The following PELI2 variants were observed in gnomAD, a reference collection of about 807,000 sequenced individuals.
The protein encoded by PELI2 is E3 ubiquitin-protein ligase pellino homolog 2.
A neutral mutation model predicts 42.3 loss-of-function variants in PELI2; 23 were observed. The observed-to-expected ratio is 0.54, with a 90% CI of 0.39 to 0.77. PELI2 has a LOEUF of 0.77. Among genes scored for constraint, PELI2 ranks in the 30% least tolerant of loss-of-function variants. The probability of loss-of-function intolerance (pLI) is 0.00; values close to 1 mark genes in which losing one functional copy is unlikely to be tolerated. For missense variants in PELI2, 463 were observed against 553.2 expected, an observed-to-expected ratio of 0.84 and a Z score of 1.64; for synonymous variants, 245 against 212.2, an observed-to-expected ratio of 1.15 and a Z score of -1.34.
At chr14:56,280,915 CAGA>C (rs1467501003) in intron 3 of PELI2, among the ~76,000 whole-genome samples, 5 of 151,892 alleles carry the variant, frequency 3.3e-5, no homozygotes, top group Admixed American at 6.6e-5. Context: ...ATATAATTCT[CAGA>C]AGAAGAAATA....
chr14:56,213,936 C>CCG (rs146214206), intron 2 of PELI2, among the ~76,000 whole-genome samples: 7,199 of 152,174 alleles, frequency 0.047, 233 homozygotes, highest in Non-Finnish European at 0.069. Flanking sequence ...GCTGCAACCT[C>CCG]CGCCTCCCAG....
At chr14:56,175,416 C>T (rs908092118) in intron 1 of PELI2, among the ~76,000 whole-genome samples, 5 of 152,192 alleles carry the variant, frequency 3.3e-5, no homozygotes, top group African/African-American at 1.2e-4. Flanking sequence ...GTTATTGTGC[C>T]TTTCTCTCCT....
chr14:56,294,235 C>G (rs1212335651), intron 5 of PELI2, among the ~76,000 whole-genome samples: 1 of 152,164 alleles, frequency 6.6e-6, no homozygotes, highest in African/African-American at 2.4e-5. Context: ...CAGGTGAGAC[C>G]TGGATGACAA....
intron 2 of PELI2, among the ~76,000 whole-genome samples, chr14:56,247,695 T>C (rs912620131): frequency 6.6e-6 from 1 of 152,224 alleles, no homozygotes; most frequent in Non-Finnish European, 1.5e-5. Flanking sequence ...AGAGGGCTCC[T>C]GTTATGTTGA....
At chr14:56,143,183 T>A (rs1883981226) in intron 1 of PELI2, among the ~76,000 whole-genome samples, 1 of 152,228 alleles carries the variant, frequency 6.6e-6, no homozygotes, top group Admixed American at 6.5e-5. Flanking sequence ...TGGTCGGTTA[T>A]TTTGTAGACT....
intron 2 of PELI2, among the ~76,000 whole-genome samples, chr14:56,265,958 TTGGATCTAACCCAAA>T (rs1440946260): frequency 6.6e-6 from 1 of 152,068 alleles, no homozygotes; most frequent in Non-Finnish European, 1.5e-5. Context: ...GTTGGCAGGA[TTGGATCTAACCCAAA>T]GTTCATCAAC....
At chr14:56,267,445 T>C (rs766809672) in intron 2 of PELI2, among the ~76,000 whole-genome samples, 10 of 152,100 alleles carry the variant, frequency 6.6e-5, no homozygotes, top group Non-Finnish European at 1.2e-4. Context: ...CATCCAGATA[T>C]ATCCAGGCTT....
chr14:56,133,588 A>AC (rs371228560), intron 1 of PELI2, among the ~76,000 whole-genome samples: 10 of 151,894 alleles, frequency 6.6e-5, no homozygotes, highest in African/African-American at 2.4e-4. Context: ...CCTTTCCCCC[A>AC]CCCCCGTTAC....
At chr14:56,272,363 A>C (rs1162401829) in intron 2 of PELI2, among the ~76,000 whole-genome samples, 1 of 152,250 alleles carries the variant, frequency 6.6e-6, no homozygotes, top group Non-Finnish European at 1.5e-5. Context: ...GTGCATGCAT[A>C]CACACACGCA....
chr14:56,175,051 A>T (rs1232247669), intron 1 of PELI2, among the ~76,000 whole-genome samples: 1 of 152,120 alleles, frequency 6.6e-6, no homozygotes, highest in Non-Finnish European at 1.5e-5. Flanking sequence ...GCTGGAGTAC[A>T]GTGGCATGAT....
chr14:56,174,054 A>G (rs1885277937), intron 1 of PELI2, among the ~76,000 whole-genome samples: 1 of 152,072 alleles, frequency 6.6e-6, no homozygotes, highest in African/African-American at 2.4e-5. Flanking sequence ...GGCATGTGCT[A>G]TCATGCCCAG....
chr14:56,276,107 T>C (rs1262716607), intron 2 of PELI2, among the ~76,000 whole-genome samples: 1 of 152,200 alleles, frequency 6.6e-6, no homozygotes, highest in Admixed American at 6.5e-5. Flanking sequence ...TGTTGAACAA[T>C]TGATACTTCT....
In PELI2 at chr14:56,273,610, A is replaced by G. The variant is rs544979076; in HGVS notation, c.208-6066A>G. On this transcript the variant is annotated intron_variant, in intron 2 of 5. Coordinates refer to ENST00000267460, the MANE Select transcript of PELI2 (RefSeq NM_021255.3). This position sits in a 1 kb window ranked among gnomAD's most constrained non-coding sequence, Gnocchi z 4.3. ...TGTTTTGCATTTGATTTTTGCCTTA[A>G]TACAGTGAAATCAGCCCGGCTTTGA... 3.9e-5 allele frequency among the ~76,000 whole-genome samples: 6 copies of G among 152,326 alleles called. No individual in the cohort carries two copies. Among genetic ancestry groups the G allele is most frequent in the African/African-American group, 1.4e-4 (6 of 41,582 alleles).
chr14:56,293,990 G>T (rs1594722389), intron 5 of PELI2, among the ~76,000 whole-genome samples: 1 of 152,098 alleles, frequency 6.6e-6, no homozygotes, highest in Non-Finnish European at 1.5e-5. Flanking sequence ...GGTCAGCAAG[G>T]TCAGGAGCCT....
intron 2 of PELI2, among the ~76,000 whole-genome samples, chr14:56,272,298 G>T (rs1250366593): frequency 6.6e-6 from 1 of 152,168 alleles, no homozygotes; most frequent in African/African-American, 2.4e-5. Flanking sequence ...GTCCTTTGAA[G>T]AAAAAGAATT....
intron 2 of PELI2, among the ~76,000 whole-genome samples, chr14:56,199,958 A>G (rs1013576699): frequency 2.0e-5 from 3 of 152,218 alleles, no homozygotes; most frequent in African/African-American, 7.2e-5. Context: ...ATGGATGGCA[A>G]CGCTAGGTGT....
chr14:56,276,267 A>G (rs1490309478), intron 2 of PELI2, among the ~76,000 whole-genome samples: 2 of 152,176 alleles, frequency 1.3e-5, no homozygotes, highest in Admixed American at 6.5e-5. Flanking sequence ...AATACATGGA[A>G]ACAAGGTCAT....
At chr14:56,258,546 A>C (rs1244749813) in intron 2 of PELI2, among the ~76,000 whole-genome samples, 1 of 151,242 alleles carries the variant, frequency 6.6e-6, no homozygotes, top group Admixed American at 6.6e-5. Context: ...TCAAGTGATG[A>C]AACTTCTGAA....
At chr14:56,204,879 A>T (rs1268916071) in intron 2 of PELI2, among the ~76,000 whole-genome samples, 1 of 151,954 alleles carries the variant, frequency 6.6e-6, no homozygotes, top group Non-Finnish European at 1.5e-5. Flanking sequence ...AAAATACAAA[A>T]AAGTAGCCAG....
Sources: gnomAD v4.1 joint callset for allele counts (sites outside exome capture counted in the v4.1 genomes callset) on GRCh38, gnomAD v4.1.1 for gene constraint, Gnocchi (gnomAD v3.1) non-coding constraint, MANE v1.5 for transcripts, NCBI Gene and HGNC (gene_info 2026-07-23, HGNC 2026-07-21) for gene names.